VDAC1: variants seen among roughly 807,000 people sequenced by gnomAD.
The protein encoded by VDAC1 is voltage dependent anion channel 1.
A neutral mutation model predicts 34.7 loss-of-function variants in VDAC1; 10 were observed. That is an observed-to-expected ratio of 0.29 (90% CI 0.18 to 0.49). The LOEUF (loss-of-function observed/expected upper bound fraction) is 0.49, where lower values mean the gene tolerates loss of function less well. Ranked by LOEUF, VDAC1 falls within the 20% of genes least tolerant of loss-of-function variation. VDAC1 has a pLI of 0.99. For synonymous variants in VDAC1, 130 were observed against 136.0 expected, an observed-to-expected ratio of 0.96 and a Z score of 0.30; for missense variants, 230 against 347.9, an observed-to-expected ratio of 0.66 and a Z score of 2.69.
At chr5:133,984,117 G>A (rs867837874) in intron 5 of VDAC1, among the ~76,000 whole-genome samples, 22 of 152,038 alleles carry the variant, frequency 1.4e-4, no homozygotes, top group African/African-American at 5.1e-4. Context: ...GTGCAGTGGT[G>A]CGATCATGGC....
the VDAC1 span, among the ~76,000 whole-genome samples, chr5:134,019,413 A>G: frequency 2.0e-5 from 3 of 152,096 alleles, no homozygotes; most frequent in Admixed American, 6.6e-5. Flanking sequence ...CTCTGTCTCT[A>G]TGAAAAATTA....
the VDAC1 span, among the ~76,000 whole-genome samples, chr5:134,014,291 AAAAAAT>A: frequency 3.0e-4 from 45 of 152,336 alleles, no homozygotes; most frequent in Non-Finnish European, 7.4e-5. Context: ...CTCCGTCTCA[AAAAAAT>A]AAAAATAAAA....
intron 5 of VDAC1, among the ~76,000 whole-genome samples, chr5:133,982,299 G>A (rs990291788): frequency 3.9e-5 from 6 of 152,030 alleles, no homozygotes; most frequent in Non-Finnish European, 8.8e-5. Flanking sequence ...GGATCACAAG[G>A]TCAGAAGTTC....
At chr5:134,039,226 T>C in the VDAC1 span, among the ~76,000 whole-genome samples, 1 of 152,218 alleles carries the variant, frequency 6.6e-6, no homozygotes, top group Non-Finnish European at 1.5e-5. Context: ...TGGCTTCACA[T>C]TGATGTCATC....
chr5:134,009,509 C>T (rs748809069), upstream of VDAC1, among the ~76,000 whole-genome samples: 22 of 150,926 alleles, frequency 1.5e-4, no homozygotes, highest in Admixed American at 1.3e-4. Flanking sequence ...TGCCGGCCTC[C>T]GCCTCCCAAA....
At chr5:134,081,371 G>T in the VDAC1 span, among the ~76,000 whole-genome samples, 2 of 151,726 alleles carry the variant, frequency 1.3e-5, no homozygotes, top group Non-Finnish European at 2.9e-5. Flanking sequence ...TAGAGACAGG[G>T]TTTCACCATG....
chr5:134,030,986 G>A, the VDAC1 span, among the ~76,000 whole-genome samples: 1 of 151,980 alleles, frequency 6.6e-6, no homozygotes, highest in Non-Finnish European at 1.5e-5. Flanking sequence ...CCTTCCCTAG[G>A]GATCCCAAGG....
At chr5:134,093,142 C>A in the VDAC1 span, among the ~76,000 whole-genome samples, 1 of 152,204 alleles carries the variant, frequency 6.6e-6, no homozygotes, top group Non-Finnish European at 1.5e-5. Flanking sequence ...GTCATCTGAG[C>A]ACAGGTGCAT....
chr5:134,033,447 C>T, the VDAC1 span, among the ~76,000 whole-genome samples: 1 of 151,838 alleles, frequency 6.6e-6, no homozygotes, highest in African/African-American at 2.4e-5. Context: ...TGAGCCACCG[C>T]ACCCGGCCAC....
the VDAC1 span, among the ~76,000 whole-genome samples, chr5:134,076,534 C>T: frequency 1.2e-4 from 19 of 152,350 alleles, no homozygotes; most frequent in South Asian, 1.9e-3. Flanking sequence ...TCACTGCTCT[C>T]GCCCGAGCAC....
At chr5:134,032,241 C>G in the VDAC1 span, among the ~76,000 whole-genome samples, 2 of 151,442 alleles carry the variant, frequency 1.3e-5, no homozygotes, top group Non-Finnish European at 2.9e-5. Context: ...GAAACAGATT[C>G]TCTCCTAGAG....
At chr5:134,040,936 G>T in the VDAC1 span, among the ~76,000 whole-genome samples, 1 of 152,210 alleles carries the variant, frequency 6.6e-6, no homozygotes, top group East Asian at 1.9e-4. Context: ...AAAATTTTGT[G>T]TGTGTGTTTT....
intron 1 of VDAC1, among the ~76,000 whole-genome samples, chr5:133,996,219 G>T (rs919943232): frequency 2.0e-5 from 3 of 152,174 alleles, no homozygotes; most frequent in Non-Finnish European, 2.9e-5. Flanking sequence ...ACAGAGGGAT[G>T]GGCAGGGCCA....
At chr5:134,084,937 C>T in the VDAC1 span, among the ~76,000 whole-genome samples, 3 of 152,166 alleles carry the variant, frequency 2.0e-5, no homozygotes, top group Non-Finnish European at 2.9e-5. Context: ...GCCAGTAGGC[C>T]AGGATTCAAC....
the VDAC1 span, among the ~76,000 whole-genome samples, chr5:134,065,793 T>TC: frequency 6.8e-6 from 1 of 147,020 alleles, no homozygotes; most frequent in Non-Finnish European, 1.5e-5. Flanking sequence ...TAGTAAATTT[T>TC]TTTTTTTTTT....
At chr5:134,110,419 C>G in the VDAC1 span, among the ~76,000 whole-genome samples, 1 of 152,208 alleles carries the variant, frequency 6.6e-6, no homozygotes, top group Non-Finnish European at 1.5e-5. Context: ...TGCAGAGTAG[C>G]AGCATCCCAG....
At chr5:133,993,386 T>C (rs1485277655) in intron 1 of VDAC1, among the ~76,000 whole-genome samples, 1 of 152,240 alleles carries the variant, frequency 6.6e-6, no homozygotes, top group Admixed American at 6.5e-5. Context: ...TGTAGGACTG[T>C]TGCCAATAAA....
chr5:133,973,023 G>A (rs1435851801), intron 8 of VDAC1, among the ~76,000 whole-genome samples, 161 bp from the exon 9 acceptor site: 1 of 152,170 alleles, frequency 6.6e-6, no homozygotes, highest in Non-Finnish European at 1.5e-5. Flanking sequence ...TGACCAACAG[G>A]CATACTACAG....
At chr5:134,006,254 G>T (rs893649603), upstream of VDAC1, among the ~76,000 whole-genome samples, 1 of 152,148 alleles carries the variant, frequency 6.6e-6, no homozygotes. Context: ...TTCCCAGCCT[G>T]GTGGTCCCCA....
Sources: allele counts gnomAD v4.1 joint callset (sites outside exome capture counted in the v4.1 genomes callset), GRCh38; gene constraint gnomAD v4.1.1; transcripts MANE v1.5; gene names NCBI Gene and HGNC (gene_info 2026-07-23, HGNC 2026-07-21).